Variants in UBAC1 observed in about 807,000 individuals in gnomAD.
The protein encoded by UBAC1 is UBA domain containing 1.
UBAC1 carries 27 observed loss-of-function variants against 45.9 expected under a neutral mutation model. That is an observed-to-expected ratio of 0.59 (90% CI 0.43 to 0.81). UBAC1 has a LOEUF of 0.81. Ranked by LOEUF, UBAC1 falls within the 30% of genes least tolerant of loss-of-function variation. The probability of loss-of-function intolerance (pLI) is 0.00; values close to 1 mark genes in which losing one functional copy is unlikely to be tolerated. For missense variants in UBAC1, 529 were observed against 539.2 expected, an observed-to-expected ratio of 0.98 and a Z score of 0.19; for synonymous variants, 227 against 215.5, an observed-to-expected ratio of 1.05 and a Z score of -0.47.
chr9:135,938,788 C>T (rs1421974997), intron 8 of UBAC1, among the ~76,000 whole-genome samples: 2 of 147,192 alleles, frequency 1.4e-5, no homozygotes, highest in Non-Finnish European at 3.0e-5. Context: ...GTGTGAGCCA[C>T]GAACTCCACT....
At chr9:135,944,936 G>T in intron 7 of UBAC1, 92 bp downstream of exon 7, 1 of 1,315,580 alleles carries the variant, frequency 7.6e-7, no homozygotes, top group Non-Finnish European at 1.1e-6. Flanking sequence ...CTCAGCCCAA[G>T]GTCAGCCATG....
rs968098089 is a variant in UBAC1, at chr9:135,947,542, G to A, written c.441+256C>T. ...CTATCTAAACGTTTTGCCAAACTCA[G>A]GGCCGGATTGACGTTTTCCCAGGGG... is the stretch of plus-strand genomic sequence containing the variant. On this transcript the variant is annotated intron_variant, in intron 4 of 9. Coordinates refer to ENST00000371756, the MANE Select transcript of UBAC1 (RefSeq NM_016172.3). The A allele has an allele frequency of 1.9e-5, 8 of 417,070 alleles. No homozygotes were observed. In the East Asian group the frequency reaches 3.0e-4, roughly 16 times the overall value. 25.8% of individuals were successfully genotyped at this position (417,070 alleles called of 1,614,324 possible).
chr9:135,953,390 C>T (rs1839429747), intron 3 of UBAC1, among the ~76,000 whole-genome samples: 2 of 152,076 alleles, frequency 1.3e-5, no homozygotes, highest in South Asian at 4.1e-4. Context: ...GATCTCGGCT[C>T]ACTGCAACCT....
In UBAC1 at chr9:135,955,511, G is replaced by C. The variant is rs1265189595; in HGVS notation, c.139-96C>G. ...CCCAAGCTACACCAGGAATTTACTG[G>C]GTTTTCTTATGAGCTAAGAAATTAC... On this transcript the variant is annotated intron_variant, in intron 1 of 9. Transcript: ENST00000371756. 4 of 1,304,688 alleles carry C rather than the reference G, an allele frequency of 3.1e-6. No homozygotes were observed. In the African/African-American group the frequency reaches 6.0e-5, roughly 20 times the overall value. 80.8% of individuals were successfully genotyped at this position (1,304,688 alleles called of 1,614,324 possible). A position where few individuals can be genotyped will look rare whatever the true frequency, so the allele number is the denominator to read the frequency against.
chr9:135,934,415 C>T (rs1231151012), intron 9 of UBAC1, among the ~76,000 whole-genome samples: 2 of 152,230 alleles, frequency 1.3e-5, no homozygotes, highest in African/African-American at 2.4e-5. Context: ...AATTCCAACA[C>T]TTTGGGAGGC....
At chr9:135,943,298 G>A (rs754845885) in intron 7 of UBAC1, among the ~76,000 whole-genome samples, 22 of 152,080 alleles carry the variant, frequency 1.4e-4, no homozygotes, top group Non-Finnish European at 2.9e-4. Flanking sequence ...GTGTGTGCCT[G>A]TAGTCCCAGC....
At chr9:135,944,504 T>A (rs551584790) in intron 7 of UBAC1, among the ~76,000 whole-genome samples, 2 of 152,100 alleles carry the variant, frequency 1.3e-5, no homozygotes, top group African/African-American at 4.8e-5. Flanking sequence ...GAAGGAAGAA[T>A]GGGGAGATGA....
chr9:135,950,936 T>G (rs1031404858), intron 3 of UBAC1, among the ~76,000 whole-genome samples: 2 of 151,834 alleles, frequency 1.3e-5, no homozygotes, highest in Non-Finnish European at 2.9e-5. Flanking sequence ...CTACAAAAAA[T>G]ACAAAAATTA....
At chr9:135,937,811 T>C (rs1319914554) in intron 9 of UBAC1, among the ~76,000 whole-genome samples, 1 of 152,246 alleles carries the variant, frequency 6.6e-6, no homozygotes, top group Non-Finnish European at 1.5e-5. Context: ...TATACACTTT[T>C]GTATGTACGT....
In UBAC1 at chr9:135,946,389, G is replaced by A; in HGVS notation, c.442-18C>T. 6.6e-7 allele frequency: 1 copy of A among 1,526,238 alleles called. No homozygotes were observed. Among genetic ancestry groups the A allele is most frequent in the Non-Finnish European group, 9.1e-7 (1 of 1,100,010 alleles). The allele number at this position is 1,526,238 out of a possible 1,614,324, so 94.5% of individuals were successfully genotyped here. On this transcript the variant is annotated intron_variant, in intron 4 of 9. Coordinates refer to ENST00000371756, the MANE Select transcript of UBAC1 (RefSeq NM_016172.3). Reference sequence around the variant, plus strand: ...GTCTGGAACTGTGGTGAAAAAAAAGGAGATCAATTCTCTAAATGTCCACCA... The same window carrying A: ...GTCTGGAACTGTGGTGAAAAAAAAGAAGATCAATTCTCTAAATGTCCACCA...
At chr9:135,945,596 G>GT in intron 6 of UBAC1, 2 of 531,386 alleles carry the variant, frequency 3.8e-6, no homozygotes, top group Non-Finnish European at 3.3e-6. Flanking sequence ...AGCAGGGCAA[G>GT]TAACTCACAC....
intron 1 of UBAC1, among the ~76,000 whole-genome samples, chr9:135,959,194 T>C (rs1047787221): frequency 2.0e-5 from 3 of 152,146 alleles, no homozygotes; most frequent in Non-Finnish European, 4.4e-5. Flanking sequence ...CCCATGTCGA[T>C]GCAGTGTGGG....
intron 7 of UBAC1, among the ~76,000 whole-genome samples, chr9:135,941,208 C>G (rs1839265890): frequency 6.6e-6 from 1 of 152,100 alleles, no homozygotes; most frequent in Non-Finnish European, 1.5e-5. Flanking sequence ...GAGTTTGAGA[C>G]CAGCCTGGCC....
At chr9:135,938,803 C>T (rs1015295651) in intron 8 of UBAC1, among the ~76,000 whole-genome samples, 17 of 96,052 alleles carry the variant, frequency 1.8e-4, no homozygotes, top group Non-Finnish European at 3.6e-4. Flanking sequence ...TCCACTGGCA[C>T]GGGGGATGGT....
intron 1 of UBAC1, among the ~76,000 whole-genome samples, chr9:135,959,018 G>A (rs767951254): frequency 6.6e-6 from 1 of 152,102 alleles, no homozygotes; most frequent in Non-Finnish European, 1.5e-5. Context: ...GCATTGCATC[G>A]GAACTGGCTG....
intron 9 of UBAC1, among the ~76,000 whole-genome samples, chr9:135,936,194 AAAAG>A (rs933444382): frequency 2.0e-5 from 3 of 152,116 alleles, no homozygotes; most frequent in African/African-American, 7.2e-5. Context: ...TAGGAAAAAA[AAAAG>A]AAAAAGTTAT....
chr9:135,945,659 A>C (rs762755602), intron 6 of UBAC1: 52 of 578,078 alleles, frequency 9.0e-5, no homozygotes, highest in Middle Eastern at 4.6e-4. Context: ...AACGGGATTC[A>C]CCTTGAGTTC....
intron 7 of UBAC1, chr9:135,942,016 G>A (rs1564195697): frequency 1.3e-5 from 2 of 152,228 alleles, no homozygotes; most frequent in African/African-American, 2.4e-5. Flanking sequence ...GACATTCTAC[G>A]GAATGTTGTT....
rs1839317115 is a variant in UBAC1 at position 135,945,336 on chromosome 9, C to A, written c.654-86G>T. The stretch of plus-strand genomic sequence containing the variant: ...TGTCCATTCCCAAGAAGAGCCTCTG[C>A]TATGGTAGTGACTTCTCCAGCATCA... On this transcript the variant is annotated intron_variant, in intron 6 of 9. Coordinates refer to ENST00000371756, the MANE Select transcript of UBAC1 (RefSeq NM_016172.3). The A allele has an allele frequency of 7.4e-6, 9 of 1,216,390 alleles. 1 individual carries two copies. In the Middle Eastern group the frequency reaches 1.4e-3, roughly 193 times the overall value. 75.3% of individuals were successfully genotyped at this position (1,216,390 alleles called of 1,614,324 possible).
Sources: gnomAD v4.1 joint callset for allele counts (sites outside exome capture counted in the v4.1 genomes callset) on GRCh38, gnomAD v4.1.1 for gene constraint, MANE v1.5 for transcripts, NCBI Gene and HGNC (gene_info 2026-07-23, HGNC 2026-07-21) for gene names.